RFX7: variants seen among roughly 807,000 people sequenced by gnomAD.
RFX7 encodes the protein regulatory factor X7.
RFX7 carries 26 observed loss-of-function variants against 111.8 expected under a neutral mutation model. That is an observed-to-expected ratio of 0.23 (90% CI 0.17 to 0.32). The LOEUF (loss-of-function observed/expected upper bound fraction) is 0.32, where lower values mean the gene tolerates loss of function less well. Among genes scored for constraint, RFX7 ranks in the 10% least tolerant of loss-of-function variants. The pLI, the probability that RFX7 is intolerant of heterozygous loss-of-function variation, is 1.00. For missense variants in RFX7, 1,573 were observed against 1,772.9 expected, an observed-to-expected ratio of 0.89 and a Z score of 2.02; for synonymous variants, 624 against 624.4, an observed-to-expected ratio of 1.00 and a Z score of 0.01.
intron 5 of RFX7, among the ~76,000 whole-genome samples, chr15:56,142,146 A>G (rs2042409335): frequency 6.6e-6 from 1 of 152,096 alleles, no homozygotes; most frequent in African/African-American, 2.4e-5. Context: ...TTCCAAATCA[A>G]TTATAAAAAT....
At chr15:56,234,986 A>C (rs2043606992) in intron 2 of RFX7, among the ~76,000 whole-genome samples, 1 of 152,234 alleles carries the variant, frequency 6.6e-6, no homozygotes. Context: ...TTCGTGAGAC[A>C]TGTTTCACAA....
Position 56,095,627 on chromosome 15 carries a change from G to T in RFX7, c.2101C>A (p.His701Asn). ...GSVKKDQKVP[H>N]SGKTEGSTAG... ...GTTGAACCTTCTGTTTTCCCTGAAT[G>T]TGGAACCTTTTGGTCCTTCTTAACA... The change falls in exon 10 of 10, where the codon CAT becomes AAT. Residue 701 changes from histidine to asparagine, a missense_variant. This residue lies in a region of RFX7 where 625 missense variants were observed against 632.2 expected (regional missense o/e 0.99). Coordinates refer to ENST00000559447, the MANE Select transcript of RFX7 (RefSeq NM_022841.7). The T allele has an allele frequency of 6.2e-7, 1 of 1,614,008 alleles. No individual in the cohort carries two copies. Among genetic ancestry groups the T allele is most frequent in the Non-Finnish European group, 8.5e-7 (1 of 1,179,872 alleles).
chr15:56,242,520 A>C (rs901788271), intron 2 of RFX7, among the ~76,000 whole-genome samples: 4 of 152,222 alleles, frequency 2.6e-5, no homozygotes, highest in African/African-American at 9.6e-5. Flanking sequence ...ACTTTGTTGT[A>C]AACTACCATC....
At chr15:56,215,420 GTTAT>G (rs2043353963) in intron 2 of RFX7, among the ~76,000 whole-genome samples, 1 of 152,112 alleles carries the variant, frequency 6.6e-6, no homozygotes, top group South Asian at 2.1e-4. Flanking sequence ...GATATTCAGT[GTTAT>G]TTATTTTCCT....
At chr15:56,127,676 T>C (rs1389834189) in intron 5 of RFX7, among the ~76,000 whole-genome samples, 3 of 151,676 alleles carry the variant, frequency 2.0e-5, no homozygotes, top group Non-Finnish European at 4.4e-5. Flanking sequence ...GCCTCCCATG[T>C]AGCTGGGACT....
intron 2 of RFX7, among the ~76,000 whole-genome samples, chr15:56,229,895 A>G (rs2043530928): frequency 6.6e-6 from 1 of 151,914 alleles, no homozygotes; most frequent in South Asian, 2.1e-4. Flanking sequence ...AGCCACTTGT[A>G]TGAATTTGAA....
chr15:56,124,640 G>C (rs1179703114), intron 5 of RFX7, among the ~76,000 whole-genome samples: 1 of 152,050 alleles, frequency 6.6e-6, no homozygotes, highest in Non-Finnish European at 1.5e-5. Flanking sequence ...CGTACCTATG[G>C]CCATTTGTAC....
intron 2 of RFX7, among the ~76,000 whole-genome samples, chr15:56,224,512 A>C (rs989515589): frequency 3.0e-5 from 4 of 134,006 alleles, no homozygotes; most frequent in African/African-American, 1.1e-4. Context: ...TCTGTGTAAA[A>C]CTGTATTAAC....
At chr15:56,196,385 T>C (rs1473269967) in intron 2 of RFX7, among the ~76,000 whole-genome samples, 17 of 152,140 alleles carry the variant, frequency 1.1e-4, no homozygotes, top group African/African-American at 4.8e-5. Flanking sequence ...ACTATCTCCA[T>C]AAACAATACA....
intron 2 of RFX7, among the ~76,000 whole-genome samples, chr15:56,197,071 C>T (rs1220486162): frequency 6.6e-6 from 1 of 152,138 alleles, no homozygotes; most frequent in Non-Finnish European, 1.5e-5. Flanking sequence ...TGACAGACTT[C>T]TGCCAATCGG....
At chr15:56,099,840 T>C (rs1401715502) in intron 8 of RFX7, among the ~76,000 whole-genome samples, 4 of 152,308 alleles carry the variant, frequency 2.6e-5, no homozygotes, top group South Asian at 2.1e-4. Flanking sequence ...TTTAATACTT[T>C]TGTTAAACTC....
At chr15:56,166,297 G>A (rs2042781393) in intron 3 of RFX7, among the ~76,000 whole-genome samples, 1 of 152,172 alleles carries the variant, frequency 6.6e-6, no homozygotes, top group South Asian at 2.1e-4. Context: ...TTCCTGGCAA[G>A]CTAAATGTTA....
intron 2 of RFX7, among the ~76,000 whole-genome samples, chr15:56,228,850 T>G (rs1183604357): frequency 2.0e-5 from 3 of 152,184 alleles, no homozygotes; most frequent in Non-Finnish European, 1.5e-5. Flanking sequence ...ATATACTATG[T>G]TTTTTCCTGT....
chr15:56,099,064 T>C (rs2041719223), intron 8 of RFX7, among the ~76,000 whole-genome samples: 1 of 151,898 alleles, frequency 6.6e-6, no homozygotes, highest in African/African-American at 2.4e-5. Context: ...CTGAAAAAAA[T>C]TGACAAAATA....
intron 5 of RFX7, among the ~76,000 whole-genome samples, chr15:56,139,371 A>C (rs1235708936): frequency 1.3e-5 from 2 of 151,924 alleles, no homozygotes; most frequent in African/African-American, 4.8e-5. Flanking sequence ...TCATTTCATC[A>C]TCCATCGCTG....
At position 56,243,562 on chromosome 15, in the gene RFX7, C is replaced by CT; in HGVS notation, c.-121_-120insA. ...GAGAGGCATGGCGGCGCCCCTCAGC[C>CT]CCCCGCTGGCGCCGCCGCCTCCTCC... On this transcript the variant is annotated 5_prime_UTR_variant, in exon 1 of 10. Coordinates refer to ENST00000559447, the MANE Select transcript of RFX7 (RefSeq NM_022841.7). The CT allele has an allele frequency of 1.5e-5, 14 of 959,492 alleles. No individual in the cohort carries two copies. Among genetic ancestry groups the CT allele is most frequent in the Non-Finnish European group, 1.6e-5 (13 of 807,242 alleles). The allele number at this position is 959,492 out of a possible 1,614,324, so 59.4% of individuals were successfully genotyped here. A position where few individuals can be genotyped will look rare whatever the true frequency, so the allele number is the denominator to read the frequency against.
chr15:56,167,710 AAC>A (rs1341949968), intron 3 of RFX7, among the ~76,000 whole-genome samples: 1 of 152,204 alleles, frequency 6.6e-6, no homozygotes, highest in Non-Finnish European at 1.5e-5. Context: ...TTTACCAATA[AAC>A]AGATAAATTT....
chr15:56,159,214 A>G (rs907373484), intron 3 of RFX7, among the ~76,000 whole-genome samples: 1 of 152,186 alleles, frequency 6.6e-6, no homozygotes, highest in South Asian at 2.1e-4. Context: ...TTGTGTATGT[A>G]TAATTACATT....
At chr15:56,196,748 G>A (rs2043149342) in intron 2 of RFX7, among the ~76,000 whole-genome samples, 1 of 152,104 alleles carries the variant, frequency 6.6e-6, no homozygotes, top group African/African-American at 2.4e-5. Flanking sequence ...CTTTGTTATG[G>A]TTGCCCTAGC....
Sources: gnomAD v4.1 joint callset for allele counts (sites outside exome capture counted in the v4.1 genomes callset) on GRCh38, gnomAD v4.1.1 for gene constraint, gnomAD v4.1.1 regional missense constraint, MANE v1.5 for transcripts, NCBI Gene and HGNC (gene_info 2026-07-23, HGNC 2026-07-21) for gene names.